The following COMMD1 variants were observed in gnomAD, a reference collection of about 807,000 sequenced individuals.
COMMD1 encodes the protein COMM domain-containing protein 1.
In COMMD1, 10 loss-of-function variants were observed where a neutral mutation model predicts 17.2. The ratio of observed to expected loss-of-function variants is 0.58; its 90% CI spans 0.36 to 0.99. COMMD1 has a LOEUF of 0.99. Among genes scored for constraint, COMMD1 ranks in the 50% least tolerant of loss-of-function variants. The probability of loss-of-function intolerance (pLI) is 0.01; values close to 1 mark genes in which losing one functional copy is unlikely to be tolerated. For synonymous variants in COMMD1, 97 were observed against 91.6 expected (o/e 1.06, Z -0.34); for missense variants, 270 against 231.8 (o/e 1.17, Z -1.07).
Position 62,020,782 on chromosome 2 carries a change from C to T in COMMD1, c.462+19800C>T, listed in dbSNP as rs902656138. Reference sequence around the variant, plus strand: ...TGGGAGGCTGAGGTGGGCAGATCACCTGAGGTCAGGAGTTCGAGACCAGCC... The same window carrying T: ...TGGGAGGCTGAGGTGGGCAGATCACTTGAGGTCAGGAGTTCGAGACCAGCC... On this transcript the variant is annotated intron_variant, in intron 2 of 2. Transcript: ENST00000311832. Among the ~76,000 whole-genome samples, 7 of 152,078 alleles carry T rather than the reference C, an allele frequency of 4.6e-5. 1 individual carries two copies. Among genetic ancestry groups the T allele is most frequent in the African/African-American group, 1.7e-4 (7 of 41,416 alleles).
intron 1 of COMMD1, among the ~76,000 whole-genome samples, chr2:61,900,066 A>C (rs1451372165): frequency 2.6e-5 from 4 of 152,242 alleles, no homozygotes; most frequent in African/African-American, 9.6e-5. Flanking sequence ...GTTAAAAGAA[A>C]AACCAAACTC....
intron 2 of COMMD1, among the ~76,000 whole-genome samples, chr2:62,122,894 C>T (rs960055227): frequency 8.5e-5 from 13 of 152,198 alleles, no homozygotes; most frequent in East Asian, 3.9e-4. Flanking sequence ...GCCTTGTTAA[C>T]GCACAGGCCC....
In COMMD1 at chr2:61,961,027, C is replaced by T. The variant is rs528018766; in HGVS notation, c.181-39674C>T. ...GGGGCTGCCGCAAAGGGCAGTGGGG[C>T]GCCTCCCCACGAGGGAGGGCAAGAG... On this transcript the variant is annotated intron_variant, in intron 1 of 2. Coordinates refer to ENST00000311832, the MANE Select transcript of COMMD1 (RefSeq NM_152516.4). Among the ~76,000 whole-genome samples, 6 of 152,286 alleles carry T rather than the reference C, an allele frequency of 3.9e-5. No homozygotes were observed. The East Asian group carries it at 5.8e-4, about 15-fold the overall frequency.
At chr2:62,006,900 G>C (rs1373406389) in intron 2 of COMMD1, among the ~76,000 whole-genome samples, 1 of 152,106 alleles carries the variant, frequency 6.6e-6, no homozygotes, top group Non-Finnish European at 1.5e-5. Context: ...CTCATTTATG[G>C]TTATTTCTTC....
chr2:61,889,403 G>T (rs1371603573), intron 1 of COMMD1, among the ~76,000 whole-genome samples: 1 of 151,844 alleles, frequency 6.6e-6, no homozygotes, highest in East Asian at 1.9e-4. Context: ...GCGAGACTGG[G>T]TTTCGCTGTG....
At chr2:61,888,424 G>C (rs757636873), upstream of COMMD1, 7 of 1,612,886 alleles carry the variant, frequency 4.3e-6, no homozygotes, top group Non-Finnish European at 3.4e-6. Context: ...GGGCTGGCTT[G>C]TCGCGGTCCT....
chr2:62,125,916 C>A (rs1672873031), intron 2 of COMMD1, among the ~76,000 whole-genome samples: 2 of 152,148 alleles, frequency 1.3e-5, no homozygotes, highest in African/African-American at 4.8e-5. Flanking sequence ...TAATGCTCTC[C>A]TTCCCCCCAC....
At chr2:62,093,777 A>G (rs562966784) in intron 2 of COMMD1, among the ~76,000 whole-genome samples, 5 of 152,204 alleles carry the variant, frequency 3.3e-5, no homozygotes, top group Non-Finnish European at 7.3e-5. Context: ...CTTGGTGCCC[A>G]TTTCATATGG....
chr2:62,059,863 G>A (rs1670809691), intron 2 of COMMD1, among the ~76,000 whole-genome samples: 1 of 152,100 alleles, frequency 6.6e-6, no homozygotes, highest in Non-Finnish European at 1.5e-5. Flanking sequence ...ATGTTGACAT[G>A]GTTGGATTTA....
chr2:61,928,918 G>T (rs1670394616), intron 1 of COMMD1, among the ~76,000 whole-genome samples: 1 of 152,170 alleles, frequency 6.6e-6, no homozygotes, highest in Admixed American at 6.5e-5. Context: ...GTTTACTCAG[G>T]AATAGAAATA....
At chr2:62,104,664 C>T (rs1368080640) in intron 2 of COMMD1, among the ~76,000 whole-genome samples, 1 of 139,992 alleles carries the variant, frequency 7.1e-6, no homozygotes, top group Non-Finnish European at 1.5e-5. Context: ...ACAATAACAA[C>T]AACAAACACA....
chr2:61,923,919 G>C (rs572992363), intron 1 of COMMD1, among the ~76,000 whole-genome samples: 61 of 152,256 alleles, frequency 4.0e-4, no homozygotes, highest in Middle Eastern at 6.8e-3. Context: ...TGAGAATACA[G>C]ATGTGCACCA....
intron 2 of COMMD1, among the ~76,000 whole-genome samples, chr2:62,077,540 A>G (rs1204356883): frequency 2.6e-5 from 4 of 152,126 alleles, no homozygotes; most frequent in African/African-American, 9.7e-5. Flanking sequence ...CATCCCTATT[A>G]TCATACTTTA....
chr2:62,066,973 G>A (rs977242863), intron 2 of COMMD1, among the ~76,000 whole-genome samples: 10 of 152,088 alleles, frequency 6.6e-5, no homozygotes, highest in Middle Eastern at 3.4e-3. Context: ...TGATCTGCCC[G>A]CCTTGGCCTC....
At chr2:62,135,805 C>T in intron 2 of COMMD1, 26 bp from the exon 3 acceptor site, 1 of 1,219,210 alleles carries the variant, frequency 8.2e-7, no homozygotes, top group Non-Finnish European at 1.2e-6. Flanking sequence ...TGGTTTCCCT[C>T]TAAAATATCC....
chr2:61,904,907 T>C (rs1202779617), upstream of COMMD1, among the ~76,000 whole-genome samples: 1 of 152,234 alleles, frequency 6.6e-6, no homozygotes, highest in Non-Finnish European at 1.5e-5. Context: ...TTGTCTATCC[T>C]GGACATTTCA....
chr2:62,103,361 T>G (rs1445291040), intron 2 of COMMD1, among the ~76,000 whole-genome samples: 1 of 152,224 alleles, frequency 6.6e-6, no homozygotes, highest in Non-Finnish European at 1.5e-5. Context: ...TGGTTCTCCA[T>G]TGTAAAGGCT....
chr2:62,096,193 G>A (rs186548245), intron 2 of COMMD1, among the ~76,000 whole-genome samples: 7 of 152,214 alleles, frequency 4.6e-5, no homozygotes, highest in South Asian at 2.1e-4. Context: ...ATGCTGCACC[G>A]CTGCCTAGCA....
rs566723354 is a variant in COMMD1, at chr2:61,993,950, T to C, written c.181-6751T>C. ...ATAATTTGACTTAATTATAGTATATTATACAAAATAATTCCTTCCTTCCTT... is the reference window on the plus strand; with the variant it reads ...ATAATTTGACTTAATTATAGTATATCATACAAAATAATTCCTTCCTTCCTT... On this transcript the variant is annotated intron_variant, in intron 1 of 2. Transcript: ENST00000311832. 1.1e-4 allele frequency among the ~76,000 whole-genome samples: 16 copies of C among 152,282 alleles called. No homozygotes were observed. In the South Asian group the frequency reaches 3.3e-3, roughly 32 times the overall value.
Sources: gnomAD v4.1 joint callset for allele counts (sites outside exome capture counted in the v4.1 genomes callset) on GRCh38, gnomAD v4.1.1 for gene constraint, MANE v1.5 for transcripts, NCBI Gene and HGNC (gene_info 2026-07-23, HGNC 2026-07-21) for gene names.